SLC5A1: variants seen among roughly 807,000 people sequenced by gnomAD.
SLC5A1 encodes the protein sodium/glucose cotransporter 1.
Under a neutral mutation model 73.5 loss-of-function variants are expected in SLC5A1, and 42 were observed. The ratio of observed to expected loss-of-function variants is 0.57; its 90% confidence interval spans 0.45 to 0.74. SLC5A1 has a LOEUF of 0.74. Among genes scored for constraint, SLC5A1 ranks in the 30% least tolerant of loss-of-function variants. SLC5A1 has a pLI of 0.00. For synonymous variants in SLC5A1, 300 were observed against 317.4 expected (o/e 0.95, Z 0.58); for missense variants, 634 against 855.4 (o/e 0.74, Z 3.23).
chr22:32,112,219 T>A lies in SLC5A1; in HGVS notation c.*2006T>A, dbSNP rs2094058445. On this transcript the variant is annotated 3_prime_UTR_variant, in exon 15 of 15. Coordinates refer to ENST00000266088, the MANE Select transcript of SLC5A1 (RefSeq NM_000343.4). ...GGTCTTCTAACTTGTCTACATCCCA[T>A]CCCCATTCCAGGGTCTTCAGAATTG... 6.6e-6 allele frequency: 1 copy of A among 152,132 alleles called. No individual in the cohort carries two copies. The highest frequency in any genetic ancestry group is 2.4e-5 in the African/African-American group (1 of 41,422). The allele number at this position is 152,132 out of a possible 1,614,324, so 9.4% of individuals were successfully genotyped here.
chr22:32,054,689 T>C (rs2093949296), intron 2 of SLC5A1, among the ~76,000 whole-genome samples: 1 of 152,018 alleles, frequency 6.6e-6, no homozygotes, highest in South Asian at 2.1e-4. Context: ...ATTTATTTAT[T>C]TGAGACAGGG....
Position 32,091,343 on chromosome 22 carries a change from C to A in SLC5A1, c.1130-269C>A, listed in dbSNP as rs971493414. ...CACACACACACACACACACACACAC[C>A]CCACCACCTTCATCATCGTCCAGTT... On this transcript the variant is annotated intron_variant, in intron 10 of 14. Coordinates refer to ENST00000266088, the MANE Select transcript of SLC5A1 (RefSeq NM_000343.4). Among the ~76,000 whole-genome samples the A allele has an allele frequency of 4.9e-5, 7 of 142,748 alleles. No individual in the cohort carries two copies. The East Asian group carries it at 6.1e-4, about 12-fold the overall frequency. The allele number at this position is 142,748 out of a possible 152,430, so 93.6% of individuals were successfully genotyped here. A position where few individuals can be genotyped will look rare whatever the true frequency, so the allele number is the denominator to read the frequency against.
At position 32,084,989 on chromosome 22, in the gene SLC5A1, G is replaced by A. The variant is rs367741549; in HGVS notation, c.975G>A (p.Met325Ile). Reference sequence around the variant, plus strand: ...GTGGGTATCTAAAGCTGATGCCCATGTTCATCATGGTGATGCCAGGAATGA... The same window carrying A: ...GTGGGTATCTAAAGCTGATGCCCATATTCATCATGGTGATGCCAGGAATGA... The part of the protein sequence containing the change: ...ILCGYLKLMP[M>I]FIMVMPGMIS... The change falls in exon 9 of 15, where the codon ATG becomes ATA. Residue 325 changes from methionine to isoleucine, a missense_variant. Coordinates refer to ENST00000266088, the MANE Select transcript of SLC5A1 (RefSeq NM_000343.4). 9 of 1,614,062 alleles carry A rather than the reference G, an allele frequency of 5.6e-6. No homozygotes were observed. Among genetic ancestry groups the A allele is most frequent in the Non-Finnish European group, 7.6e-6 (9 of 1,180,026 alleles).
rs756861668 is a variant in SLC5A1, at chr22:32,102,210, C to T, written c.1638C>T (p.Leu546=). Residue 546 remains leucine, a synonymous_variant, in exon 13 of 15, where the codon CTC becomes CTT. Coordinates refer to ENST00000266088, the MANE Select transcript of SLC5A1 (RefSeq NM_000343.4). ...ISFITIVVIS[L]LTKPIPDVHL... is the part of the protein sequence containing the mutation. Reference sequence around the variant, plus strand: ...TCATCACCATCGTGGTCATCTCCCTCCTCACCAAACCCATTCCGGATGTGC... The same window carrying T: ...TCATCACCATCGTGGTCATCTCCCTTCTCACCAAACCCATTCCGGATGTGC... The T allele has an allele frequency of 9.9e-6, 16 of 1,613,876 alleles. No homozygotes were observed. The South Asian group carries it at 1.5e-4, about 16-fold the overall frequency.
chr22:32,103,803 A>G (rs1391160882), intron 13 of SLC5A1, among the ~76,000 whole-genome samples: 1 of 152,210 alleles, frequency 6.6e-6, no homozygotes, highest in Non-Finnish European at 1.5e-5. Context: ...AGTCTAATTG[A>G]TTCAAGACTT....
At chr22:32,108,614 G>C (rs1196253110) in intron 14 of SLC5A1, among the ~76,000 whole-genome samples, 1 of 152,148 alleles carries the variant, frequency 6.6e-6, no homozygotes, top group Non-Finnish European at 1.5e-5. Flanking sequence ...GGAGTATTTT[G>C]AGTGTCAAAA....
At position 32,101,934 on chromosome 22, in the gene SLC5A1, G is replaced by C; in HGVS notation, c.1450-88G>C. The C allele has an allele frequency of 3.0e-6, 3 of 998,720 alleles. No homozygotes were observed. In the South Asian group the frequency reaches 4.0e-5, roughly 13 times the overall value. The allele number at this position is 998,720 out of a possible 1,614,324, so 61.9% of individuals were successfully genotyped here. On this transcript the variant is annotated intron_variant, in intron 12 of 14. Transcript: ENST00000266088. ...CCACTTCTCCTACCTCTGTTCCTTT[G>C]CCTCTGCCTATGCCTCTCCAAAGAA...
At chr22:32,076,386 C>T (rs562614604) in intron 5 of SLC5A1, among the ~76,000 whole-genome samples, 4 of 152,294 alleles carry the variant, frequency 2.6e-5, no homozygotes, top group Admixed American at 6.5e-5. Flanking sequence ...TAAAATTTCC[C>T]GGCATGTGCA....
chr22:32,077,856 A>G (rs1212296636), intron 5 of SLC5A1, among the ~76,000 whole-genome samples: 1 of 152,180 alleles, frequency 6.6e-6, no homozygotes, highest in Admixed American at 6.5e-5. Context: ...GTATAGCCAT[A>G]AAGAATATAT....
chr22:32,066,534 T>G, intron 2 of SLC5A1, among the ~76,000 whole-genome samples: 1 of 152,202 alleles, frequency 6.6e-6, no homozygotes, highest in East Asian at 1.9e-4. Context: ...GGCAAGACCC[T>G]AAGCCACCAG....
intron 1 of SLC5A1, among the ~76,000 whole-genome samples, chr22:32,044,369 G>A (rs184358017): frequency 6.6e-6 from 1 of 152,188 alleles, no homozygotes; most frequent in Non-Finnish European, 1.5e-5. Context: ...AGCCATTCTC[G>A]TGATTGTTAT....
chr22:32,073,391 T>G (rs1423584908), intron 5 of SLC5A1, among the ~76,000 whole-genome samples: 1 of 152,204 alleles, frequency 6.6e-6, no homozygotes, highest in Non-Finnish European at 1.5e-5. Context: ...AGGTTTTGTC[T>G]TGGAGTTGGG....
At chr22:32,070,389 A>G (rs139456730) in intron 5 of SLC5A1, among the ~76,000 whole-genome samples, 1 of 150,766 alleles carries the variant, frequency 6.6e-6, no homozygotes, top group East Asian at 2.0e-4. Flanking sequence ...ACTGGAGTGC[A>G]TGGCATGATC....
chr22:32,110,118 G>A lies in SLC5A1; in HGVS notation c.1900G>A (p.Asp634Asn). Reference protein sequence around the residue: ...EEKAMKMKMTDTSEKPLWRTV... With the variant: ...EEKAMKMKMTNTSEKPLWRTV... ...GAAAGCCATGAAGATGAAGATGACGGACACCTCTGAGAAGCCTTTGTGGAG... is the reference window on the plus strand; with the variant it reads ...GAAAGCCATGAAGATGAAGATGACGAACACCTCTGAGAAGCCTTTGTGGAG... Residue 634 changes from aspartate (D) to asparagine (N), a missense_variant, in exon 15 of 15, where the codon GAC becomes AAC. Physicochemically the swap from Asp to Asn is conservative, Grantham distance 23. Coordinates refer to ENST00000266088, the MANE Select transcript of SLC5A1 (RefSeq NM_000343.4). 2 of 1,614,170 alleles carry A rather than the reference G, an allele frequency of 1.2e-6. No individual in the cohort carries two copies. The highest frequency in any genetic ancestry group is 2.2e-5 in the South Asian group (2 of 91,082).
chr22:32,100,439 CCT>C (rs1187376599), intron 12 of SLC5A1, among the ~76,000 whole-genome samples: 3 of 151,904 alleles, frequency 2.0e-5, no homozygotes, highest in Admixed American at 6.6e-5. Flanking sequence ...TCAATTTTTC[CCT>C]GTTCAGTATG....
In SLC5A1 at chr22:32,043,928, C is replaced by G. The variant is rs530523617; in HGVS notation, c.135+512C>G. 1.3e-5 allele frequency among the ~76,000 whole-genome samples: 2 copies of G among 152,270 alleles called. No individual in the cohort carries two copies. Among genetic ancestry groups the G allele is most frequent in the East Asian group, 3.9e-4 (2 of 5,178 alleles). On this transcript the variant is annotated intron_variant, in intron 1 of 14. Transcript: ENST00000266088. This position sits in a 1 kb window ranked among gnomAD's most constrained non-coding sequence, Gnocchi z 6.5. ...ACCCATGCCCCACTCCTGGGAGAGG[C>G]TAACCCAGAGGCCTTGTGCATGAGG... is the stretch of plus-strand genomic sequence containing the variant.
At chr22:32,099,146 A>C in intron 11 of SLC5A1, 37 bp from the exon 12 acceptor site, 2 of 1,272,458 alleles carry the variant, frequency 1.6e-6, no homozygotes, top group Non-Finnish European at 2.2e-6. Context: ...ATGTAGAGCT[A>C]TTTATTGACA....
At chr22:32,091,460 ACTT>A in intron 10 of SLC5A1, 149 bp from the exon 11 acceptor site, 1 of 854,114 alleles carries the variant, frequency 1.2e-6, no homozygotes. Context: ...CCATAGGACT[ACTT>A]CTTAAAGCTT....
intron 9 of SLC5A1, 86 bp from the exon 10 acceptor site, chr22:32,086,134 C>G: frequency 1.2e-6 from 1 of 830,758 alleles, no homozygotes. Context: ...GAGTGAGACT[C>G]CGTCTCAAAA....
Sources: allele counts gnomAD v4.1 joint callset (sites outside exome capture counted in the v4.1 genomes callset), GRCh38; gene constraint gnomAD v4.1.1; non-coding constraint Gnocchi (gnomAD v3.1); transcripts MANE v1.5; gene names NCBI Gene and HGNC (gene_info 2026-07-23, HGNC 2026-07-21).